Variants in USP3 observed in about 807,000 individuals in gnomAD.
The protein encoded by USP3 is ubiquitin carboxyl-terminal hydrolase 3.
A neutral mutation model predicts 72.3 loss-of-function variants in USP3; 20 were observed. The observed-to-expected ratio is 0.28, with a 90% CI of 0.19 to 0.40. USP3 has a LOEUF of 0.40. USP3 is among the 10% of genes least tolerant of loss of function. The probability of loss-of-function intolerance (pLI) is 1.00; values close to 1 mark genes in which losing one functional copy is unlikely to be tolerated. For missense variants in USP3, 479 were observed against 633.9 expected (o/e 0.76, Z 2.62); for synonymous variants, 222 against 225.3 (o/e 0.99, Z 0.13).
At chr15:63,537,502 A>G (rs1198162897) in intron 3 of USP3, among the ~76,000 whole-genome samples, 1 of 152,148 alleles carries the variant, frequency 6.6e-6, no homozygotes, top group African/African-American at 2.4e-5. Flanking sequence ...AAATAACTCA[A>G]CAAACCCATG....
chr15:63,507,404 G>A (rs1169379525), intron 1 of USP3, among the ~76,000 whole-genome samples: 1 of 152,150 alleles, frequency 6.6e-6, no homozygotes, highest in Non-Finnish European at 1.5e-5. Context: ...AAAGAAAAGG[G>A]TAATACTTTG....
At chr15:63,513,545 A>G (rs2065816372) in intron 1 of USP3, among the ~76,000 whole-genome samples, 1 of 151,946 alleles carries the variant, frequency 6.6e-6, no homozygotes, top group South Asian at 2.1e-4. Context: ...ACGCTCAGCT[A>G]ATTTTTAAAT....
intron 1 of USP3, among the ~76,000 whole-genome samples, chr15:63,531,488 T>TAA (rs2066074807): frequency 6.6e-6 from 1 of 152,212 alleles, no homozygotes; most frequent in African/African-American, 2.4e-5. Context: ...TCAGTGGTAC[T>TAA]ATAATTAACT....
At chr15:63,580,074 C>CA (rs1159003908) in intron 11 of USP3, among the ~76,000 whole-genome samples, 1 of 152,008 alleles carries the variant, frequency 6.6e-6, no homozygotes, top group Non-Finnish European at 1.5e-5. Context: ...TGAAAAAAAT[C>CA]AAACAATTTA....
chr15:63,507,866 T>C (rs12911939), intron 1 of USP3, among the ~76,000 whole-genome samples: 72,332 of 151,764 alleles, frequency 0.48, 18,150 homozygotes, highest in Non-Finnish European at 0.56. Context: ...ACTTAAAATA[T>C]GTATTTATTA....
At position 63,593,103 on chromosome 15, in the gene USP3, A is replaced by C. The variant is rs2067234503; in HGVS notation, c.*2277A>C. ...GTCTAAATTTTCACTCCAAAGAATA[A>C]AACTTTGCCATCATGTTTAGGTCTT... On this transcript the variant is annotated 3_prime_UTR_variant, in exon 15 of 15. Coordinates refer to ENST00000380324, the MANE Select transcript of USP3 (RefSeq NM_006537.4). The C allele has an allele frequency of 6.6e-6, 1 of 152,232 alleles. No homozygotes were observed. The highest frequency in any genetic ancestry group is 1.5e-5 in the Non-Finnish European group (1 of 68,042). 9.4% of individuals were successfully genotyped at this position (152,232 alleles called of 1,614,324 possible).
At chr15:63,571,598 T>C (rs1439460526) in intron 9 of USP3, among the ~76,000 whole-genome samples, 1 of 152,212 alleles carries the variant, frequency 6.6e-6, no homozygotes, top group Non-Finnish European at 1.5e-5. Context: ...TTTTGTATTT[T>C]ATCATGGCAT....
chr15:63,547,735 AGAGAGAGAGGGAGG>A (rs1175310373), intron 3 of USP3, among the ~76,000 whole-genome samples: 7 of 42,382 alleles, frequency 1.7e-4, no homozygotes, highest in African/African-American at 7.9e-4. Context: ...AGAGAGAGAG[AGAGAGAGAGGGAGG>A]GAGGGAGGGA....
At chr15:63,576,776 CTTA>C (rs2066871511) in intron 11 of USP3, among the ~76,000 whole-genome samples, 1 of 152,178 alleles carries the variant, frequency 6.6e-6, no homozygotes, top group Non-Finnish European at 1.5e-5. Flanking sequence ...TATTTAAGAG[CTTA>C]TTGTCGGCTT....
At chr15:63,540,023 T>C (rs1438244855) in intron 3 of USP3, among the ~76,000 whole-genome samples, 1 of 152,258 alleles carries the variant, frequency 6.6e-6, no homozygotes, top group African/African-American at 2.4e-5. Flanking sequence ...ATTTTCCTTG[T>C]ACACTAATTT....
chr15:63,552,592 G>A (rs1263657539), intron 3 of USP3, among the ~76,000 whole-genome samples: 1 of 152,134 alleles, frequency 6.6e-6, no homozygotes, highest in Non-Finnish European at 1.5e-5. Flanking sequence ...ATGAGAGTGT[G>A]TGTTAAATAA....
At chr15:63,582,036 A>G (rs965901831) in intron 11 of USP3, among the ~76,000 whole-genome samples, 2 of 152,236 alleles carry the variant, frequency 1.3e-5, no homozygotes, top group African/African-American at 2.4e-5. Context: ...AAGAATTTGG[A>G]GAAAACTCAA....
At chr15:63,516,874 T>A (rs1409630299) in intron 1 of USP3, among the ~76,000 whole-genome samples, 1 of 151,952 alleles carries the variant, frequency 6.6e-6, no homozygotes, top group Non-Finnish European at 1.5e-5. Flanking sequence ...TTTTTTGTAC[T>A]ATAAATTTGA....
At chr15:63,545,547 A>T (rs1001078912) in intron 3 of USP3, among the ~76,000 whole-genome samples, 4 of 151,838 alleles carry the variant, frequency 2.6e-5, no homozygotes, top group Non-Finnish European at 4.4e-5. Flanking sequence ...AACATCTCTA[A>T]TATGTACCCT....
chr15:63,563,110 C>T, intron 8 of USP3, 102 bp downstream of exon 8: 1 of 799,310 alleles, frequency 1.3e-6, no homozygotes, highest in Non-Finnish European at 1.8e-6. Context: ...ATTCTAAATA[C>T]TTAAGACTGG....
rs182453107 is a variant in USP3 at position 63,539,389 on chromosome 15, G to A, written c.284+2233G>A. 1.4e-3 allele frequency among the ~76,000 whole-genome samples: 216 copies of A among 152,184 alleles called. 1 individual carries two copies. The highest frequency in any genetic ancestry group is 2.9e-3 in the Non-Finnish European group (194 of 67,992). ...ATTAAATCGCTGTGTGCTATAACAA[G>A]TTTGCCATTGTTTTCTTGCTGTTGG... On this transcript the variant is annotated intron_variant, in intron 3 of 14. Transcript: ENST00000380324.
chr15:63,556,923 G>A (rs2066520105), intron 5 of USP3, 175 bp downstream of exon 5: 4 of 536,994 alleles, frequency 7.4e-6, no homozygotes, highest in Non-Finnish European at 1.4e-5. Flanking sequence ...CGTGACCCCA[G>A]TGAGTCCATC....
At chr15:63,583,863 T>C (rs2067006551) in intron 11 of USP3, among the ~76,000 whole-genome samples, 2 of 152,196 alleles carry the variant, frequency 1.3e-5, no homozygotes, top group African/African-American at 4.8e-5. Context: ...TGTTTATCCA[T>C]TCATCTGTTG....
At chr15:63,511,527 A>G (rs566552306) in intron 1 of USP3, among the ~76,000 whole-genome samples, 9 of 152,220 alleles carry the variant, frequency 5.9e-5, no homozygotes, top group Non-Finnish European at 7.3e-5. Flanking sequence ...AGAAACAACT[A>G]TTTTAAATGT....
Sources: gnomAD v4.1 joint callset for allele counts (sites outside exome capture counted in the v4.1 genomes callset) on GRCh38, gnomAD v4.1.1 for gene constraint, MANE v1.5 for transcripts, NCBI Gene and HGNC (gene_info 2026-07-23, HGNC 2026-07-21) for gene names.